HAPSTR1: variants seen among roughly 807,000 people sequenced by gnomAD.
HAPSTR1 encodes the protein HUWE1-associated protein modifying stress responses 1.
chr16:9,093,529 G>C, the HAPSTR1 span, among the ~76,000 whole-genome samples: 1 of 152,204 alleles, frequency 6.6e-6, no homozygotes, highest in East Asian at 1.9e-4. Context: ...ATATAGTTTT[G>C]AAGTGCTTGA....
the HAPSTR1 span, chr16:9,108,817 G>C: frequency 6.6e-6 from 1 of 152,144 alleles, no homozygotes; most frequent in African/African-American, 2.4e-5. Flanking sequence ...AGTCTCCTTT[G>C]TGAAAGGTGA....
the HAPSTR1 span, chr16:9,091,664 C>T: frequency 1.0e-5 from 4 of 398,322 alleles, no homozygotes; most frequent in Non-Finnish European, 1.8e-5. Context: ...GGGGTGGGCT[C>T]CGCGGTGCAG....
At chr16:9,113,766 G>C in the HAPSTR1 span, among the ~76,000 whole-genome samples, 12 of 152,178 alleles carry the variant, frequency 7.9e-5, no homozygotes, top group Non-Finnish European at 8.8e-5. Flanking sequence ...ACACTAGGAT[G>C]AAAGAAGGCA....
At chr16:9,110,638 C>T in the HAPSTR1 span, 2 of 152,222 alleles carry the variant, frequency 1.3e-5, no homozygotes, top group Non-Finnish European at 2.9e-5. Flanking sequence ...CTCTGTGTCT[C>T]GCCCCTTTGG....
the HAPSTR1 span, among the ~76,000 whole-genome samples, chr16:9,098,980 T>A: frequency 6.6e-6 from 1 of 152,166 alleles, no homozygotes. Context: ...TAGAGTAATC[T>A]GATTAATTTT....
At chr16:9,102,348 C>T in the HAPSTR1 span, among the ~76,000 whole-genome samples, 3 of 152,056 alleles carry the variant, frequency 2.0e-5, no homozygotes, top group African/African-American at 7.3e-5. Context: ...ATCATTTTAC[C>T]AAAACCCAGG....
chr16:9,112,728 T>G, the HAPSTR1 span: 3 of 152,244 alleles, frequency 2.0e-5, no homozygotes, highest in African/African-American at 7.2e-5. Flanking sequence ...TAACTTGGAT[T>G]CTTATAACCT....
the HAPSTR1 span, chr16:9,117,611 G>C: frequency 3.3e-5 from 5 of 152,724 alleles, no homozygotes; most frequent in Admixed American, 6.5e-5. Context: ...TGTCCCCAGA[G>C]TAACCCTGTA....
chr16:9,120,222 G>C, the HAPSTR1 span: 1 of 152,208 alleles, frequency 6.6e-6, no homozygotes, highest in African/African-American at 2.4e-5. Context: ...GGTTCTTCCA[G>C]AGCAACCCCT....
At chr16:9,118,807 C>A in the HAPSTR1 span, 1 of 152,630 alleles carries the variant, frequency 6.6e-6, no homozygotes, top group Non-Finnish European at 1.5e-5. Flanking sequence ...GGCCAGAACT[C>A]CTATTCCTAA....
the HAPSTR1 span, chr16:9,092,323 G>C: frequency 7.5e-7 from 1 of 1,336,158 alleles, no homozygotes; most frequent in South Asian, 1.8e-5. Flanking sequence ...GCCCGGGCCC[G>C]GCCCCGGCCC....
the HAPSTR1 span, among the ~76,000 whole-genome samples, chr16:9,102,135 C>G: frequency 6.6e-6 from 1 of 152,044 alleles, no homozygotes; most frequent in African/African-American, 2.4e-5. Flanking sequence ...ACGAAATAAT[C>G]AAAGCCGGGA....
chr16:9,100,512 C>G, the HAPSTR1 span, among the ~76,000 whole-genome samples: 1 of 151,840 alleles, frequency 6.6e-6, no homozygotes, highest in Non-Finnish European at 1.5e-5. Flanking sequence ...GTCTGGTTTG[C>G]CAGGTGTATG....
At chr16:9,114,274 G>T in the HAPSTR1 span, among the ~76,000 whole-genome samples, 1 of 152,110 alleles carries the variant, frequency 6.6e-6, no homozygotes, top group South Asian at 2.1e-4. Context: ...TGTGGGTAAG[G>T]TAGGGGTTGA....
chr16:9,094,275 C>T, the HAPSTR1 span, among the ~76,000 whole-genome samples: 13 of 152,218 alleles, frequency 8.5e-5, no homozygotes, highest in African/African-American at 3.1e-4. Context: ...AATAGTGCCT[C>T]AGTGGTTAGC....
At chr16:9,102,888 A>G in the HAPSTR1 span, 5 of 1,295,024 alleles carry the variant, frequency 3.9e-6, no homozygotes, top group East Asian at 9.3e-5. Context: ...ACATCATGGT[A>G]TTCACTTTGG....
chr16:9,097,711 G>A, the HAPSTR1 span, among the ~76,000 whole-genome samples: 3 of 152,182 alleles, frequency 2.0e-5, no homozygotes, highest in South Asian at 6.2e-4. Flanking sequence ...GTGTGCACTC[G>A]CACACTTTGT....
the HAPSTR1 span, chr16:9,117,074 G>T: frequency 1.0e-6 from 1 of 961,610 alleles, no homozygotes; most frequent in Non-Finnish European, 1.5e-6. Context: ...GGTATTTATA[G>T]TAGATGCCTC....
the HAPSTR1 span, chr16:9,116,902 G>A: frequency 6.2e-7 from 1 of 1,613,944 alleles, no homozygotes; most frequent in Non-Finnish European, 8.5e-7. Flanking sequence ...AAACGCAACA[G>A]AATGATCTAA....
Sources: gnomAD v4.1 joint callset for allele counts (sites outside exome capture counted in the v4.1 genomes callset) on GRCh38, gnomAD v4.1.1 for gene constraint, MANE v1.5 for transcripts, NCBI Gene and HGNC (gene_info 2026-07-23, HGNC 2026-07-21) for gene names.